The following RBFOX1 variants were observed in gnomAD, a reference collection of about 807,000 sequenced individuals.
The protein encoded by RBFOX1 is RNA binding fox-1 homolog 1.
In RBFOX1, 8 loss-of-function variants were observed where a neutral mutation model predicts 57.7. That is an observed-to-expected ratio of 0.14 (90% CI 0.08 to 0.25). The LOEUF (loss-of-function observed/expected upper bound fraction) is 0.25, where lower values mean the gene tolerates loss of function less well. Ranked by LOEUF, RBFOX1 falls within the 10% of genes least tolerant of loss-of-function variation. The pLI is 1.00. For synonymous variants in RBFOX1, 326 were observed against 222.4 expected (o/e 1.47, Z -4.15); for missense variants, 611 against 548.5 (o/e 1.11, Z -1.14).
intron 5 of RBFOX1, among the ~76,000 whole-genome samples, chr16:7,550,927 C>G (rs1009206138): frequency 6.6e-6 from 1 of 151,724 alleles, no homozygotes; most frequent in Non-Finnish European, 1.5e-5. Flanking sequence ...AACCCCAGTT[C>G]TACTAAAAAT....
At chr16:5,430,192 G>A (rs1016913797) in intron 1 of RBFOX1, among the ~76,000 whole-genome samples, 1 of 152,144 alleles carries the variant, frequency 6.6e-6, no homozygotes, top group Non-Finnish European at 1.5e-5. Context: ...CAGGAAGGTC[G>A]ATGGCAAGCA....
chr16:6,980,570 A>T (rs1367386064), intron 3 of RBFOX1, among the ~76,000 whole-genome samples: 5 of 152,218 alleles, frequency 3.3e-5, no homozygotes, highest in Non-Finnish European at 7.3e-5. Flanking sequence ...AAAAGCGAGT[A>T]TTGAAAAACA....
intron 1 of RBFOX1, among the ~76,000 whole-genome samples, chr16:6,232,063 C>G (rs144370320): frequency 2.6e-5 from 4 of 152,240 alleles, no homozygotes; most frequent in South Asian, 4.2e-4. Flanking sequence ...ATAATTTGCC[C>G]TATTCCTCCG....
chr16:7,490,210 G>T (rs779313602), intron 4 of RBFOX1, among the ~76,000 whole-genome samples: 2 of 152,168 alleles, frequency 1.3e-5, no homozygotes, highest in Non-Finnish European at 2.9e-5. Flanking sequence ...GTTCAAGGCA[G>T]ATGCTTTTCT....
At chr16:6,413,206 A>G (rs1043108646) in intron 2 of RBFOX1, among the ~76,000 whole-genome samples, 4 of 151,684 alleles carry the variant, frequency 2.6e-5, no homozygotes, top group African/African-American at 4.8e-5. Flanking sequence ...GTAATCCCAG[A>G]GACTTGGGCG....
At chr16:7,065,499 C>T (rs1304644258) in intron 4 of RBFOX1, among the ~76,000 whole-genome samples, 1 of 152,154 alleles carries the variant, frequency 6.6e-6, no homozygotes, top group African/African-American at 2.4e-5. Flanking sequence ...ATCTAAGACG[C>T]TGACCCTTTT....
At chr16:6,252,136 G>T (rs368837218) in intron 1 of RBFOX1, among the ~76,000 whole-genome samples, 18 of 152,188 alleles carry the variant, frequency 1.2e-4, no homozygotes, top group African/African-American at 4.1e-4. Flanking sequence ...TCCACATGGG[G>T]AAGAGAATGT....
intron 5 of RBFOX1, among the ~76,000 whole-genome samples, chr16:7,570,552 G>A (rs1416058446): frequency 6.6e-6 from 1 of 152,178 alleles, no homozygotes; most frequent in Non-Finnish European, 1.5e-5. Flanking sequence ...TACGCTTGCA[G>A]CTAGGCTCAG....
intron 4 of RBFOX1, among the ~76,000 whole-genome samples, chr16:7,390,401 C>A (rs79623106): frequency 6.6e-6 from 1 of 152,114 alleles, no homozygotes; most frequent in African/African-American, 2.4e-5. Context: ...TATGAGATTT[C>A]GATACTTGGA....
chr16:5,441,913 C>G (rs940861760), intron 1 of RBFOX1, among the ~76,000 whole-genome samples: 1 of 152,104 alleles, frequency 6.6e-6, no homozygotes. Context: ...TTCTCTCCCA[C>G]GACACATGGG....
chr16:6,505,528 T>C (rs2096065885), intron 2 of RBFOX1, among the ~76,000 whole-genome samples: 1 of 152,226 alleles, frequency 6.6e-6, no homozygotes, highest in African/African-American at 2.4e-5. Context: ...ACGTTTACTC[T>C]GTGTATTCTC....
At chr16:7,467,762 C>G (rs2150796257) in intron 4 of RBFOX1, among the ~76,000 whole-genome samples, 1 of 152,326 alleles carries the variant, frequency 6.6e-6, no homozygotes, top group Non-Finnish European at 1.5e-5. Context: ...AACGTCTTCC[C>G]CACTTCCACT....
intron 3 of RBFOX1, among the ~76,000 whole-genome samples, chr16:5,627,163 T>A (rs552798536): frequency 9.2e-5 from 14 of 152,204 alleles, no homozygotes; most frequent in Non-Finnish European, 1.9e-4. Context: ...TAGAAATTAT[T>A]TGGGTAAGTT....
chr16:5,466,762 C>G (rs2151609448), intron 1 of RBFOX1, among the ~76,000 whole-genome samples: 1 of 152,284 alleles, frequency 6.6e-6, no homozygotes, highest in East Asian at 1.9e-4. Context: ...TAGAGCTTGT[C>G]CATTGTCCCT....
At chr16:7,436,932 A>T (rs1015581936) in intron 4 of RBFOX1, among the ~76,000 whole-genome samples, 1 of 152,098 alleles carries the variant, frequency 6.6e-6, no homozygotes, top group African/African-American at 2.4e-5. Context: ...ATAAATAAAA[A>T]TAGCTGGTCA....
chr16:7,184,176 G>C (rs2083273210), intron 4 of RBFOX1, among the ~76,000 whole-genome samples: 1 of 152,168 alleles, frequency 6.6e-6, no homozygotes, highest in Admixed American at 6.5e-5. Context: ...CACAGGGCTG[G>C]AATTAGCTCC....
chr16:6,889,935 C>T (rs117139091), intron 3 of RBFOX1, among the ~76,000 whole-genome samples: 1,883 of 152,248 alleles, frequency 0.012, 22 homozygotes, highest in Non-Finnish European at 0.02. Flanking sequence ...CTCATAGCCA[C>T]GTATTTCAGT....
intron 3 of RBFOX1, among the ~76,000 whole-genome samples, chr16:5,732,495 C>T (rs539396728): frequency 2.4e-4 from 37 of 152,194 alleles, no homozygotes; most frequent in African/African-American, 7.9e-4. Flanking sequence ...TCAAAATGTG[C>T]AGAAATGAGA....
chr16:5,583,469 T>G (rs1366047991), intron 2 of RBFOX1, among the ~76,000 whole-genome samples: 1 of 152,252 alleles, frequency 6.6e-6, no homozygotes, highest in Admixed American at 6.5e-5. Context: ...AGCTCGCTTC[T>G]GATTCCTGTA....
Sources: allele counts gnomAD v4.1 joint callset (sites outside exome capture counted in the v4.1 genomes callset), GRCh38; gene constraint gnomAD v4.1.1; transcripts MANE v1.5; gene names NCBI Gene and HGNC (gene_info 2026-07-23, HGNC 2026-07-21).